Variants in TBCD observed in about 807,000 individuals in gnomAD.
TBCD encodes the protein tubulin folding cofactor D, also known as tubulin-specific chaperone D.
TBCD carries 105 observed loss-of-function variants against 169.3 expected under a neutral mutation model. The ratio of observed to expected loss-of-function variants is 0.62; its 90% CI spans 0.53 to 0.73. The LOEUF is 0.73. Ranked by LOEUF, TBCD falls within the 30% of genes least tolerant of loss-of-function variation. The probability of loss-of-function intolerance (pLI) is 0.00; values close to 1 mark genes in which losing one functional copy is unlikely to be tolerated. For missense variants in TBCD, 1,444 were observed against 1,600.1 expected (o/e 0.90, Z 1.66); for synonymous variants, 700 against 643.9 (o/e 1.09, Z -1.32).
At chr17:82,875,272 T>C (rs74000144) in intron 14 of TBCD, among the ~76,000 whole-genome samples, 1,566 of 152,262 alleles carry the variant, frequency 0.01, 20 homozygotes, top group African/African-American at 0.035. Flanking sequence ...GGTGGGATAA[T>C]TGTTGGAGTA....
chr17:82,918,453 A>G (rs995580424), intron 23 of TBCD: 1 of 152,108 alleles, frequency 6.6e-6, no homozygotes. Flanking sequence ...CCGAGACCCC[A>G]TCCAGCTGTC....
chr17:82,799,227 G>A (rs867024743), intron 8 of TBCD, among the ~76,000 whole-genome samples: 10 of 151,908 alleles, frequency 6.6e-5, no homozygotes, highest in African/African-American at 2.2e-4. Flanking sequence ...GGTGGATCAC[G>A]AGGTCAGGAG....
At position 82,887,166 on chromosome 17, in the gene TBCD, T is replaced by TGCGCGCGCGCGC. The variant is rs1164086857; in HGVS notation, c.1534-2501_1534-2500insCGCGCGCGCGCG. Among the ~76,000 whole-genome samples, 8 of 109,146 alleles carry TGCGCGCGCGCGC rather than the reference T, an allele frequency of 7.3e-5. No homozygotes were observed. The South Asian group carries it at 9.8e-4, about 13-fold the overall frequency. 71.6% of individuals were successfully genotyped at this position (109,146 alleles called of 152,430 possible). ...GTGTGTGTGTGTGTGTGTGTGTGTG[T>TGCGCGCGCGCGC]GTGCGCGCGCGCGCACGTGCGCTCA... is the stretch of plus-strand genomic sequence containing the variant. On this transcript the variant is annotated intron_variant, in intron 15 of 38. Transcript: ENST00000355528.
In TBCD at chr17:82,889,374, G is replaced by C. The variant is rs528494438; in HGVS notation, c.1534-294G>C. ...ATTTAACCTGCCTGTCTGTCTCTCT[G>C]AGTTGACAGCCGGGGCCTCCGCGTG... is the stretch of plus-strand genomic sequence containing the variant. On this transcript the variant is annotated intron_variant, in intron 15 of 38. Coordinates refer to ENST00000355528, the MANE Select transcript of TBCD (RefSeq NM_005993.5). The surrounding 1 kb of genome is among the most constrained non-coding windows in gnomAD (Gnocchi z 5.3). Among the ~76,000 whole-genome samples, 8 of 152,304 alleles carry C rather than the reference G, an allele frequency of 5.3e-5. No homozygotes were observed. The South Asian group carries it at 1.7e-3, about 32-fold the overall frequency.
intron 14 of TBCD, among the ~76,000 whole-genome samples, chr17:82,882,637 C>T (rs1344846576): frequency 6.6e-6 from 1 of 151,732 alleles, no homozygotes; most frequent in African/African-American, 2.4e-5. Context: ...TCTGGGGTGA[C>T]AGACAGTGCG....
In TBCD at chr17:82,889,719, T is replaced by A; in HGVS notation, c.1563+22T>A. 6.2e-7 allele frequency: 1 copy of A among 1,612,168 alleles called. No homozygotes were observed. On this transcript the variant is annotated intron_variant, in intron 16 of 38. Transcript: ENST00000355528. This position sits in a 1 kb window ranked among gnomAD's most constrained non-coding sequence, Gnocchi z 5.3. ...ACAGGTATGGCTGCTTTCAAACACC[T>A]TTATTCCAAAAACTTCCTGCGGGTT...
intron 13 of TBCD, among the ~76,000 whole-genome samples, chr17:82,834,778 A>C (rs2053825491): frequency 6.6e-6 from 1 of 152,180 alleles, no homozygotes; most frequent in Non-Finnish European, 1.5e-5. Flanking sequence ...GCAGGGCTTA[A>C]AACCTAGATG....
In TBCD at chr17:82,789,995, G is replaced by T. The variant is rs1245523236; in HGVS notation, c.772-7762G>T. Among the ~76,000 whole-genome samples, 2 of 151,480 alleles carry T rather than the reference G, an allele frequency of 1.3e-5. No homozygotes were observed. Among genetic ancestry groups the T allele is most frequent in the African/African-American group, 2.5e-5 (1 of 40,756 alleles). On this transcript the variant is annotated intron_variant, in intron 7 of 38. Transcript: ENST00000355528. The surrounding 1 kb of genome is among the most constrained non-coding windows in gnomAD (Gnocchi z 4.8). The stretch of plus-strand genomic sequence containing the variant: ...CCGCTGTCCGCTCACACCTGCCTGT[G>T]TGGACGTGGCTCTGACATGTCTCCT...
At chr17:82,848,483 G>A (rs1052037100) in intron 13 of TBCD, among the ~76,000 whole-genome samples, 4 of 152,156 alleles carry the variant, frequency 2.6e-5, no homozygotes, top group Non-Finnish European at 4.4e-5. Flanking sequence ...CCCCGACAGC[G>A]AGGTGTCTTA....
rs1409681673 is a variant in TBCD at position 82,930,497 on chromosome 17, CT to C, written c.2992-23del. ...GTGGCAGGCTCGGGGGTCCCACTGC[CT>C]TCTGAGGTGTCTCCGTGTTGCAGAT... On this transcript the variant is annotated intron_variant, in intron 32 of 38. Coordinates refer to ENST00000355528, the MANE Select transcript of TBCD (RefSeq NM_005993.5). This position sits in a 1 kb window ranked among gnomAD's most constrained non-coding sequence, Gnocchi z 5.2. The C allele has an allele frequency of 1.2e-6, 2 of 1,609,790 alleles. No individual in the cohort carries two copies. The highest frequency in any genetic ancestry group is 1.7e-5 in the Admixed American group (1 of 59,546).
At position 82,806,441 on chromosome 17, in the gene TBCD, C is replaced by T. The variant is rs1568164643; in HGVS notation, c.1087+430C>T. 1.3e-5 allele frequency among the ~76,000 whole-genome samples: 2 copies of T among 152,170 alleles called. No homozygotes were observed. Among genetic ancestry groups the T allele is most frequent in the Non-Finnish European group, 2.9e-5 (2 of 68,022 alleles). On this transcript the variant is annotated intron_variant, in intron 10 of 38. Transcript: ENST00000355528. The surrounding 1 kb of genome is among the most constrained non-coding windows in gnomAD (Gnocchi z 5.1). ...TACACCTTGCAGGGGTCTCCATCCACTGCCCTGTTCTCCTCCTGTGGGGTC... is the reference window on the plus strand; with the variant it reads ...TACACCTTGCAGGGGTCTCCATCCATTGCCCTGTTCTCCTCCTGTGGGGTC...
intron 2 of TBCD, among the ~76,000 whole-genome samples, chr17:82,757,497 C>T (rs775520465): frequency 6.6e-5 from 10 of 151,954 alleles, no homozygotes; most frequent in Non-Finnish European, 1.3e-4. Context: ...TGGCAGTTGC[C>T]TGTAGTCCCA....
At chr17:82,846,748 C>T (rs1014115756) in intron 13 of TBCD, among the ~76,000 whole-genome samples, 6 of 152,222 alleles carry the variant, frequency 3.9e-5, no homozygotes, top group Non-Finnish European at 7.3e-5. Flanking sequence ...ACATGGTCAC[C>T]TGCCTGAGAA....
chr17:82,798,729 C>A (rs146021250), intron 8 of TBCD, among the ~76,000 whole-genome samples: 34 of 147,742 alleles, frequency 2.3e-4, no homozygotes, highest in African/African-American at 7.5e-4. Flanking sequence ...GCCACCACCT[C>A]TTTTGCCTTC....
Position 82,939,293 on chromosome 17 carries a change from C to T in TBCD, c.3370-74C>T, listed in dbSNP as rs2062918289. 5 of 1,237,238 alleles carry T rather than the reference C, an allele frequency of 4.0e-6. No homozygotes were observed. In the Admixed American group the frequency reaches 7.9e-5, roughly 19 times the overall value. 76.6% of individuals were successfully genotyped at this position (1,237,238 alleles called of 1,614,324 possible). A position where few individuals can be genotyped will look rare whatever the true frequency, so the allele number is the denominator to read the frequency against. ...GCCTTCCACTGACGGGGCTCCCTGG[C>T]CTGGGTCCTGTCGTCTCTCCGGGGT... On this transcript the variant is annotated intron_variant, in intron 36 of 38. Transcript: ENST00000355528.
chr17:82,940,334 C>T (rs185127588), intron 37 of TBCD, among the ~76,000 whole-genome samples: 14 of 152,282 alleles, frequency 9.2e-5, no homozygotes, highest in Middle Eastern at 6.8e-3. Context: ...ATGGCATACC[C>T]GGGGTGGTGG....
In TBCD at chr17:82,907,828, G is replaced by T; in HGVS notation, c.1983+7G>T. The T allele has an allele frequency of 6.2e-7, 1 of 1,613,192 alleles. No homozygotes were observed. On this transcript the variant is annotated splice_region_variant and intron_variant, in intron 21 of 38. Coordinates refer to ENST00000355528, the MANE Select transcript of TBCD (RefSeq NM_005993.5). The stretch of plus-strand genomic sequence containing the variant: ...GAAGCAGATTCACCAGCAGGTTTGT[G>T]TGCAGCCTCTGGGTGTACCCTCAGG...
At chr17:82,936,877 C>T (rs114354354) in intron 34 of TBCD, among the ~76,000 whole-genome samples, 166 of 152,328 alleles carry the variant, frequency 1.1e-3, no homozygotes, top group African/African-American at 2.7e-3. Context: ...CTCTGTGTGT[C>T]GGCAGTTTCC....
At chr17:82,780,110 G>A (rs1227574175) in intron 6 of TBCD, among the ~76,000 whole-genome samples, 1 of 152,138 alleles carries the variant, frequency 6.6e-6, no homozygotes, top group South Asian at 2.1e-4. Context: ...TCTCCCACTC[G>A]GCTGCTCTGC....
Sources: allele counts gnomAD v4.1 joint callset (sites outside exome capture counted in the v4.1 genomes callset), GRCh38; gene constraint gnomAD v4.1.1; non-coding constraint Gnocchi (gnomAD v3.1); transcripts MANE v1.5; gene names NCBI Gene and HGNC (gene_info 2026-07-23, HGNC 2026-07-21).